ZNF143: variants seen among roughly 807,000 people sequenced by gnomAD.
ZNF143 encodes the protein SPH-binding factor.
Under a neutral mutation model 74.1 loss-of-function variants are expected in ZNF143, and 49 were observed. The ratio of observed to expected loss-of-function variants is 0.66; its 90% CI spans 0.53 to 0.84. The LOEUF (loss-of-function observed/expected upper bound fraction) is 0.84, where lower values mean the gene tolerates loss of function less well. Among genes scored for constraint, ZNF143 ranks in the 40% least tolerant of loss-of-function variants. The pLI, the probability that ZNF143 is intolerant of heterozygous loss-of-function variation, is 0.00. For synonymous variants in ZNF143, 304 were observed against 282.8 expected (o/e 1.07, Z -0.75); for missense variants, 637 against 793.4 (o/e 0.80, Z 2.37).
intron 1 of ZNF143, among the ~76,000 whole-genome samples, chr11:9,468,513 A>G (rs190234117): frequency 6.6e-6 from 1 of 152,356 alleles, no homozygotes; most frequent in African/African-American, 2.4e-5. Context: ...CCTATCCAAT[A>G]GGATATTCTG....
At chr11:9,508,558 G>C in intron 11 of ZNF143, 61 bp from the exon 12 acceptor site, 1 of 1,506,254 alleles carries the variant, frequency 6.6e-7, no homozygotes. Context: ...TGGGGGGGAA[G>C]TATGGAATGA....
At position 9,508,626 on chromosome 11, in the gene ZNF143, G is replaced by A. The variant is rs1181028836; in HGVS notation, c.1155G>A (p.Lys385=). The A allele has an allele frequency of 6.2e-7, 1 of 1,610,862 alleles. No homozygotes were observed. The highest frequency in any genetic ancestry group is 8.5e-7 in the Non-Finnish European group (1 of 1,179,904). The change falls in exon 12 of 16, where the codon AAG becomes AAA. Residue 385 remains lysine (K), a synonymous_variant. Transcript: ENST00000396602. ...TTTGGTGTTGCTCTTTAGGAGAAAA[G>A]CCATATGTTTGTACAGTTCCTGGGT... ...KNHVRIHTGE[K]PYVCTVPGCD... is the part of the protein sequence containing the mutation.
rs12277589 is a variant in ZNF143, at chr11:9,505,676, T to C, written c.1148-2943T>C. ...GTGAGCAGATCACTTGAGGTCAGAG[T>C]TTCGTGACCAGCCTGGCCAACATGG... On this transcript the variant is annotated intron_variant, in intron 11 of 15. Coordinates refer to ENST00000396602, the MANE Select transcript of ZNF143 (RefSeq NM_003442.6). 4.2e-3 allele frequency among the ~76,000 whole-genome samples: 641 copies of C among 151,336 alleles called. 2 individuals carry two copies. Among genetic ancestry groups the C allele is most frequent in the Non-Finnish European group, 6.9e-3 (467 of 67,770 alleles).
chr11:9,504,770 G>C (rs1266111784), intron 11 of ZNF143, among the ~76,000 whole-genome samples: 1 of 117,984 alleles, frequency 8.5e-6, no homozygotes, highest in Non-Finnish European at 2.0e-5. Context: ...CGCCTCCTGG[G>C]TTCAAGCGAT....
At chr11:9,524,207 C>T (rs1371602078) in intron 14 of ZNF143, among the ~76,000 whole-genome samples, 3 of 152,190 alleles carry the variant, frequency 2.0e-5, no homozygotes, top group African/African-American at 4.8e-5. Flanking sequence ...GCTGCTCAAA[C>T]TGGGTAGTGC....
intron 7 of ZNF143, among the ~76,000 whole-genome samples, chr11:9,491,988 A>G (rs1399389468): frequency 1.3e-5 from 2 of 152,102 alleles, no homozygotes; most frequent in African/African-American, 4.8e-5. Flanking sequence ...CTTATTGCCC[A>G]GGCTGGAGTG....
chr11:9,512,118 T>C (rs1848571657), intron 12 of ZNF143, among the ~76,000 whole-genome samples: 2 of 152,156 alleles, frequency 1.3e-5, no homozygotes, highest in African/African-American at 4.8e-5. Flanking sequence ...TATTTGCTAG[T>C]TTTCCTGTAC....
intron 7 of ZNF143, among the ~76,000 whole-genome samples, chr11:9,483,136 G>A (rs1451095131): frequency 6.6e-6 from 1 of 150,750 alleles, no homozygotes; most frequent in Non-Finnish European, 1.5e-5. Context: ...TGGGATTACA[G>A]GCATGCACCA....
At chr11:9,524,003 A>C (rs1456819485) in intron 14 of ZNF143, among the ~76,000 whole-genome samples, 1 of 151,346 alleles carries the variant, frequency 6.6e-6, no homozygotes, top group Non-Finnish European at 1.5e-5. Flanking sequence ...AGCTGAGATC[A>C]AGCCATTGCA....
chr11:9,513,852 C>T (rs749923325), intron 13 of ZNF143, among the ~76,000 whole-genome samples: 3 of 152,192 alleles, frequency 2.0e-5, no homozygotes, highest in Non-Finnish European at 4.4e-5. Flanking sequence ...TGTGCCACTA[C>T]ACTCCGGCCT....
At chr11:9,499,052 A>T (rs1416386655) in intron 10 of ZNF143, among the ~76,000 whole-genome samples, 1 of 152,232 alleles carries the variant, frequency 6.6e-6, no homozygotes, top group East Asian at 1.9e-4. Context: ...TATAAAAGCT[A>T]TATCAAACCA....
intron 7 of ZNF143, among the ~76,000 whole-genome samples, chr11:9,485,175 C>T (rs1204436955): frequency 6.6e-6 from 1 of 150,642 alleles, no homozygotes; most frequent in Non-Finnish European, 1.5e-5. Flanking sequence ...CCAAAATGAC[C>T]CGTAATCTTA....
At position 9,516,231 on chromosome 11, in the gene ZNF143, A is replaced by G. The variant is rs1249107154; in HGVS notation, c.1555A>G (p.Ile519Val). The change falls in exon 14 of 16, where the codon ATT becomes GTT. Residue 519 changes from isoleucine to valine, a missense_variant. Ile to Val is a conservative substitution (Grantham distance 29). Coordinates refer to ENST00000396602, the MANE Select transcript of ZNF143 (RefSeq NM_003442.6). Reference sequence around the variant, plus strand: ...CATATCTCAAGCTGACATGCAGGCCATTGGCAACACCATCACAATGGTAAC... The same window carrying G: ...CATATCTCAAGCTGACATGCAGGCCGTTGGCAACACCATCACAATGGTAAC... Reference protein sequence around the residue: ...VNISQADMQAIGNTITMVTQD... With the variant: ...VNISQADMQAVGNTITMVTQD... The G allele has an allele frequency of 3.1e-6, 5 of 1,614,128 alleles. No homozygotes were observed. The Admixed American group carries it at 5.0e-5, about 16-fold the overall frequency.
rs1455348200 is a variant in ZNF143 at position 9,527,764 on chromosome 11, G to C, written c.*151G>C. ...CGAGAGTGGAGAACATTTTATTCTT[G>C]ACACTTTTGTGTATATAACCCTTGG... On this transcript the variant is annotated 3_prime_UTR_variant, in exon 16 of 16. Transcript: ENST00000396602. The C allele has an allele frequency of 1.5e-6, 1 of 653,984 alleles. No individual in the cohort carries two copies. The highest frequency in any genetic ancestry group is 1.8e-5 in the African/African-American group (1 of 54,808). The allele number at this position is 653,984 out of a possible 1,614,324, so 40.5% of individuals were successfully genotyped here. A position where few individuals can be genotyped will look rare whatever the true frequency, so the allele number is the denominator to read the frequency against.
At chr11:9,463,555 C>G (rs1856001573) in intron 1 of ZNF143, among the ~76,000 whole-genome samples, 1 of 152,184 alleles carries the variant, frequency 6.6e-6, no homozygotes, top group South Asian at 2.1e-4. Context: ...TTTTCTGTGC[C>G]TAACGATCAT....
chr11:9,485,119 A>T (rs943029855), intron 7 of ZNF143, among the ~76,000 whole-genome samples: 2 of 150,796 alleles, frequency 1.3e-5, no homozygotes, highest in African/African-American at 4.9e-5. Flanking sequence ...TTAAGATAAT[A>T]TTTTTAGTGT....
intron 1 of ZNF143, among the ~76,000 whole-genome samples, chr11:9,464,718 A>G (rs535244741): frequency 1.3e-5 from 2 of 152,178 alleles, no homozygotes; most frequent in African/African-American, 4.8e-5. Context: ...TCAGGAGTTC[A>G]AGATGAGCCC....
At chr11:9,473,391 C>CA (rs56303913) in intron 3 of ZNF143, among the ~76,000 whole-genome samples, 80,732 of 127,392 alleles carry the variant, frequency 0.63, 24,175 homozygotes, top group Non-Finnish European at 0.69. Context: ...AACTCTGTCT[C>CA]AAAAAAAAAA....
intron 12 of ZNF143, among the ~76,000 whole-genome samples, chr11:9,511,645 T>A (rs1370500556): frequency 6.6e-6 from 1 of 151,832 alleles, no homozygotes; most frequent in Non-Finnish European, 1.5e-5. Context: ...TCCATGTTGG[T>A]CAGACTGGTC....
Sources: allele counts gnomAD v4.1 joint callset (sites outside exome capture counted in the v4.1 genomes callset), GRCh38; gene constraint gnomAD v4.1.1; transcripts MANE v1.5; gene names NCBI Gene and HGNC (gene_info 2026-07-23, HGNC 2026-07-21).